FBLN1: variants seen among roughly 807,000 people sequenced by gnomAD.
FBLN1 encodes the protein fibulin-1.
FBLN1 carries 34 observed loss-of-function variants against 89.7 expected under a neutral mutation model. That is an observed-to-expected ratio of 0.38 (90% CI 0.29 to 0.50). The LOEUF (loss-of-function observed/expected upper bound fraction) is 0.50, where lower values mean the gene tolerates loss of function less well. Among genes scored for constraint, FBLN1 ranks in the 20% least tolerant of loss-of-function variants. The pLI is 0.92. For synonymous variants in FBLN1, 393 were observed against 391.3 expected (o/e 1.00, Z -0.05); for missense variants, 777 against 988.1 (o/e 0.79, Z 2.86).
rs976753256 is a variant in FBLN1 at position 45,533,118 on chromosome 22, C to T, written c.600C>T (p.Ser200=). Residue 200 remains serine, a synonymous_variant, in exon 6 of 17, where the codon TCC becomes TCT. Transcript: ENST00000327858. ...ACACGGGTGACGAGGTGGTCTGCTCCTGCTTCGTGGGCTACCAGCTGCTGT... is the reference window on the plus strand; with the variant it reads ...ACACGGGTGACGAGGTGGTCTGCTCTTGCTTCGTGGGCTACCAGCTGCTGT... ...CRDTGDEVVC[S]CFVGYQLLSD... is the part of the protein sequence containing the mutation. 6.2e-7 allele frequency: 1 copy of T among 1,614,216 alleles called. No homozygotes were observed. The highest frequency in any genetic ancestry group is 8.5e-7 in the Non-Finnish European group (1 of 1,180,024).
intron 11 of FBLN1, among the ~76,000 whole-genome samples, chr22:45,544,396 C>T (rs2088599556): frequency 6.6e-6 from 1 of 152,130 alleles, no homozygotes; most frequent in African/African-American, 2.4e-5. Flanking sequence ...CTGCCTCTAA[C>T]TTCGTGTTGG....
In FBLN1 at chr22:45,523,121, C is replaced by T. The variant is rs769088429; in HGVS notation, c.186-2422C>T. 5 of 776,838 alleles carry T rather than the reference C, an allele frequency of 6.4e-6. No individual in the cohort carries two copies. The East Asian group carries it at 7.3e-5, about 11-fold the overall frequency. 48.1% of individuals were successfully genotyped at this position (776,838 alleles called of 1,614,324 possible). A position where few individuals can be genotyped will look rare whatever the true frequency, so the allele number is the denominator to read the frequency against. On this transcript the variant is annotated intron_variant, in intron 2 of 16. Transcript: ENST00000327858. ...TGGGGTTGGCCTCACTGTGCCAGGACCTGAATGGGGCGTGGGCAGTATGGA... is the reference window on the plus strand; with the variant it reads ...TGGGGTTGGCCTCACTGTGCCAGGATCTGAATGGGGCGTGGGCAGTATGGA...
chr22:45,527,486 T>A (rs2088344254), intron 3 of FBLN1, among the ~76,000 whole-genome samples: 2 of 152,022 alleles, frequency 1.3e-5, no homozygotes, highest in Admixed American at 6.6e-5. Context: ...ACTTTGGAGC[T>A]GGTGCATGGT....
chr22:45,503,256 C>T (rs1039715836), intron 1 of FBLN1, 192 bp downstream of exon 1: 1 of 325,538 alleles, frequency 3.1e-6, no homozygotes, highest in East Asian at 4.9e-5. Flanking sequence ...ATCTCCTCCC[C>T]GGCCTGGGGA....
rs1043826013 is a variant in FBLN1, at chr22:45,578,307, T to C, written c.1972+1199T>C. ...TGCCAAAGAGCCATTTATAGCACCT[T>C]TACAAGCTTTTAAATGGGTTTGCAT... On this transcript the variant is annotated intron_variant, in intron 16 of 16. Coordinates refer to ENST00000327858, the MANE Select transcript of FBLN1 (RefSeq NM_006486.3). The surrounding 1 kb of genome is among the most constrained non-coding windows in gnomAD (Gnocchi z 4.6). 2 of 152,212 alleles carry C rather than the reference T, an allele frequency of 1.3e-5. No individual in the cohort carries two copies. The highest frequency in any genetic ancestry group is 1.9e-4 in the East Asian group (1 of 5,190). The allele number at this position is 152,212 out of a possible 1,614,324, so 9.4% of individuals were successfully genotyped here. A position where few individuals can be genotyped will look rare whatever the true frequency, so the allele number is the denominator to read the frequency against.
At chr22:45,523,903 A>G (rs573302116) in intron 2 of FBLN1, among the ~76,000 whole-genome samples, 1 of 152,286 alleles carries the variant, frequency 6.6e-6, no homozygotes, top group Non-Finnish European at 1.5e-5. Context: ...CCCACCAGCA[A>G]TGCACACGGG....
At chr22:45,542,315 A>G (rs1399872464) in intron 10 of FBLN1, 32 bp downstream of exon 10, 2 of 1,612,686 alleles carry the variant, frequency 1.2e-6, no homozygotes, top group Admixed American at 1.7e-5. Flanking sequence ...CCTCGGGGGA[A>G]CCCAGCCACG....
chr22:45,562,694 G>A lies in FBLN1; in HGVS notation c.1698-11817G>A, dbSNP rs545053935. ...TTTGGCCCCCGGCCACCCAGCGCCC[G>A]AGATGGTGTTGGAAGAGGCTAGTGC... is the stretch of plus-strand genomic sequence containing the variant. On this transcript the variant is annotated intron_variant, in intron 14 of 16. Coordinates refer to ENST00000327858, the MANE Select transcript of FBLN1 (RefSeq NM_006486.3). This position sits in a 1 kb window ranked among gnomAD's most constrained non-coding sequence, Gnocchi z 7.8. 3.9e-5 allele frequency among the ~76,000 whole-genome samples: 6 copies of A among 152,222 alleles called. No individual in the cohort carries two copies. Among genetic ancestry groups the A allele is most frequent in the Non-Finnish European group, 8.8e-5 (6 of 68,036 alleles).
intron 9 of FBLN1, among the ~76,000 whole-genome samples, chr22:45,541,721 G>A (rs2088558645): frequency 6.6e-6 from 1 of 152,222 alleles, no homozygotes; most frequent in African/African-American, 2.4e-5. Context: ...TTCAGGCAAT[G>A]TGGGTCTGCC....
At chr22:45,547,343 C>A in intron 12 of FBLN1, 139 bp downstream of exon 12, 1 of 1,067,278 alleles carries the variant, frequency 9.4e-7, no homozygotes, top group Non-Finnish European at 1.4e-6. Flanking sequence ...CATGTCCACC[C>A]TTGGAGGCAA....
intron 14 of FBLN1, among the ~76,000 whole-genome samples, chr22:45,560,931 G>C (rs2088843918): frequency 6.6e-6 from 1 of 152,174 alleles, no homozygotes; most frequent in Non-Finnish European, 1.5e-5. Flanking sequence ...GCCTCAGGCA[G>C]CGTGGGGTTT....
At chr22:45,569,624 G>A (rs918453675) in intron 14 of FBLN1, among the ~76,000 whole-genome samples, 7 of 150,846 alleles carry the variant, frequency 4.6e-5, no homozygotes, top group African/African-American at 1.7e-4. Flanking sequence ...GGGTGACAGG[G>A]CAAGACTCTG....
intron 2 of FBLN1, among the ~76,000 whole-genome samples, chr22:45,524,620 G>T (rs1347248029): frequency 6.6e-6 from 1 of 152,146 alleles, no homozygotes; most frequent in Admixed American, 6.6e-5. Context: ...TGATAAAGGG[G>T]TGGAAGGTTG....
chr22:45,532,022 A>G lies in FBLN1; in HGVS notation c.544+698A>G, dbSNP rs1289038437. Among the ~76,000 whole-genome samples the G allele has an allele frequency of 6.6e-6, 1 of 152,218 alleles. No homozygotes were observed. Among genetic ancestry groups the G allele is most frequent in the Non-Finnish European group, 1.5e-5 (1 of 68,032 alleles). On this transcript the variant is annotated intron_variant, in intron 5 of 16. Coordinates refer to ENST00000327858, the MANE Select transcript of FBLN1 (RefSeq NM_006486.3). This position sits in a 1 kb window ranked among gnomAD's most constrained non-coding sequence, Gnocchi z 4.2. ...GCCTCGCAGGTTTGTTTTTCATATGATAAAACTGCTTTTCTTTCATGGAAC... is the reference window on the plus strand; with the variant it reads ...GCCTCGCAGGTTTGTTTTTCATATGGTAAAACTGCTTTTCTTTCATGGAAC...
intron 16 of FBLN1, among the ~76,000 whole-genome samples, chr22:45,586,832 G>A (rs2089090625): frequency 6.6e-6 from 1 of 152,138 alleles, no homozygotes; most frequent in African/African-American, 2.4e-5. Flanking sequence ...GAGGGCCCAG[G>A]CAGGGTGGGG....
chr22:45,503,938 C>G (rs2087983568), intron 1 of FBLN1, among the ~76,000 whole-genome samples: 1 of 152,178 alleles, frequency 6.6e-6, no homozygotes, highest in African/African-American at 2.4e-5. Flanking sequence ...ACGAGGTCCT[C>G]TGATCAGAGC....
At position 45,588,324 on chromosome 22, in the gene FBLN1, A is replaced by G; in HGVS notation, c.1972+11216A>G. Reference sequence around the variant, plus strand: ...ACTCCTTCTGGAAAGTCTGTCGTGAACCAGAGCAGATAAATGCTTGTGCTG... The same window carrying G: ...ACTCCTTCTGGAAAGTCTGTCGTGAGCCAGAGCAGATAAATGCTTGTGCTG... On this transcript the variant is annotated intron_variant, in intron 16 of 16. Transcript: ENST00000327858. This position sits in a 1 kb window ranked among gnomAD's most constrained non-coding sequence, Gnocchi z 5.1. Among the ~76,000 whole-genome samples, 1 of 152,182 alleles carries G rather than the reference A, an allele frequency of 6.6e-6. No individual in the cohort carries two copies. The highest frequency in any genetic ancestry group is 2.1e-4 in the South Asian group (1 of 4,828).
At chr22:45,542,488 C>T (rs1002850030) in intron 10 of FBLN1, among the ~76,000 whole-genome samples, 4 of 152,236 alleles carry the variant, frequency 2.6e-5, no homozygotes, top group African/African-American at 9.6e-5. Context: ...CTGGCACCAC[C>T]CCCCTGTGTG....
At position 45,561,994 on chromosome 22, in the gene FBLN1, G is replaced by A. The variant is rs925900203; in HGVS notation, c.1697+11379G>A. Reference sequence around the variant, plus strand: ...TAGATTGTGCCCACCCAGATTAAGGGTGGGTCTGCCTTTCCCAGCCCACTG... The same window carrying A: ...TAGATTGTGCCCACCCAGATTAAGGATGGGTCTGCCTTTCCCAGCCCACTG... On this transcript the variant is annotated intron_variant, in intron 14 of 16. Coordinates refer to ENST00000327858, the MANE Select transcript of FBLN1 (RefSeq NM_006486.3). The surrounding 1 kb of genome is among the most constrained non-coding windows in gnomAD (Gnocchi z 4.7). Among the ~76,000 whole-genome samples the A allele has an allele frequency of 6.6e-5, 10 of 152,168 alleles. No individual in the cohort carries two copies. Among genetic ancestry groups the A allele is most frequent in the Non-Finnish European group, 1.3e-4 (9 of 68,042 alleles).
Sources: gnomAD v4.1 joint callset for allele counts (sites outside exome capture counted in the v4.1 genomes callset) on GRCh38, gnomAD v4.1.1 for gene constraint, Gnocchi (gnomAD v3.1) non-coding constraint, MANE v1.5 for transcripts, NCBI Gene and HGNC (gene_info 2026-07-23, HGNC 2026-07-21) for gene names.